Variants in ATRX observed in about 807,000 individuals in gnomAD.
The protein encoded by ATRX is chromatin remodeler ATRX.
Under a neutral mutation model 172.6 loss-of-function variants are expected in ATRX, and 12 were observed. The observed-to-expected ratio is 0.07, with a 90% CI of 0.04 to 0.11. ATRX has a LOEUF of 0.11. Among genes scored for constraint, ATRX ranks in the 10% least tolerant of loss-of-function variants. The pLI is 1.00. For missense variants in ATRX, 1,368 were observed against 1,767.4 expected (o/e 0.77, Z 4.05); for synonymous variants, 674 against 594.7 (o/e 1.13, Z -1.94).
At chrX:77,676,633 A>T (rs944542754) in intron 9 of ATRX, among the ~76,000 whole-genome samples, 1 of 112,171 alleles carries the variant, frequency 8.9e-6, no homozygotes. Context: ...GTACTGGTCC[A>T]TTTTAATTTT....
intron 1 of ATRX, among the ~76,000 whole-genome samples, chrX:77,778,794 T>C (rs1279275687): frequency 9.0e-6 from 1 of 111,582 alleles, no homozygotes; most frequent in African/African-American, 3.2e-5. Flanking sequence ...ATGTTGACCT[T>C]CTTCCAAATA....
intron 1 of ATRX, among the ~76,000 whole-genome samples, chrX:77,736,343 T>C (rs1311726377): frequency 8.9e-6 from 1 of 112,371 alleles, no homozygotes; most frequent in East Asian, 2.8e-4. Flanking sequence ...AACCAGAATA[T>C]GTAAGTAGCT....
intron 15 of ATRX, 97 bp from the exon 16 acceptor site, chrX:77,636,153 T>C (rs2148362742): frequency 2.5e-6 from 2 of 815,971 alleles, no homozygotes. Flanking sequence ...TAGACACATT[T>C]ACTCCCACAC....
At chrX:77,660,886 C>T (rs982271455) in intron 12 of ATRX, among the ~76,000 whole-genome samples, 5 of 111,626 alleles carry the variant, frequency 4.5e-5, no homozygotes, top group African/African-American at 1.6e-4. Context: ...AAAAACCTGA[C>T]ACTCATTGTA....
chrX:77,541,579 G>A (rs190552696), intron 30 of ATRX, among the ~76,000 whole-genome samples: 2 of 111,589 alleles, frequency 1.8e-5, no homozygotes, highest in Non-Finnish European at 3.8e-5. Context: ...TAAAATACTG[G>A]CAAACCGAAT....
intron 1 of ATRX, among the ~76,000 whole-genome samples, chrX:77,739,262 C>T (rs1482530228): frequency 9.0e-6 from 1 of 110,588 alleles, no homozygotes. Context: ...TCCTGAGTTA[C>T]TTCACTTAGA....
intron 30 of ATRX, among the ~76,000 whole-genome samples, chrX:77,551,759 A>G (rs1230639796): frequency 3.6e-5 from 4 of 110,145 alleles, no homozygotes; most frequent in Non-Finnish European, 7.6e-5. Context: ...AATGAACTCA[A>G]ACATATTTAC....
intron 15 of ATRX, among the ~76,000 whole-genome samples, chrX:77,637,939 CAAAAAAAAAA>C (rs373944111): frequency 4.7e-5 from 2 of 42,863 alleles, no homozygotes; most frequent in African/African-American, 2.0e-4. Context: ...AGCTCCATCT[CAAAAAAAAAA>C]AAAAAAAAAA....
chrX:77,512,662 A>G lies in ATRX; in HGVS notation c.7201-4033T>C, dbSNP rs1248235850. 2.7e-5 allele frequency among the ~76,000 whole-genome samples: 3 copies of G among 111,860 alleles called. No individual in the cohort carries two copies. In the Admixed American group the frequency reaches 2.8e-4, roughly 11 times the overall value. On this transcript the variant is annotated intron_variant, in intron 34 of 34. Transcript: ENST00000373344. Reference sequence around the variant, plus strand: ...GGTGGATGGATCACCTGAGGTCAGTAGTTCGAGACCAGCCTGGCCAACATG... The same window carrying G: ...GGTGGATGGATCACCTGAGGTCAGTGGTTCGAGACCAGCCTGGCCAACATG...
intron 27 of ATRX, among the ~76,000 whole-genome samples, chrX:77,582,511 T>A (rs2065863213): frequency 9.3e-6 from 1 of 108,007 alleles, no homozygotes; most frequent in African/African-American, 3.4e-5. Flanking sequence ...CAGAAATAAA[T>A]AAACTTGAAA....
intron 34 of ATRX, among the ~76,000 whole-genome samples, chrX:77,510,520 G>T (rs1312365004): frequency 9.0e-6 from 1 of 110,761 alleles, no homozygotes; most frequent in African/African-American, 3.3e-5. Context: ...TTGGCTTTTG[G>T]ATGGCATTTG....
chrX:77,733,837 T>C (rs1302444089), intron 1 of ATRX, among the ~76,000 whole-genome samples: 1 of 103,986 alleles, frequency 9.6e-6, no homozygotes, highest in African/African-American at 3.6e-5. Context: ...TGAGGGGAGA[T>C]AGCACCACTG....
intron 28 of ATRX, among the ~76,000 whole-genome samples, chrX:77,565,853 CAA>C (rs782097602): frequency 1.2e-5 from 1 of 83,507 alleles, no homozygotes. Flanking sequence ...GACCCTGTCT[CAA>C]AAAAAAAAAA....
chrX:77,654,926 A>C (rs2069461920), intron 13 of ATRX, among the ~76,000 whole-genome samples: 1 of 111,990 alleles, frequency 8.9e-6, no homozygotes. Flanking sequence ...TTGATAAACA[A>C]AACGTGGTAT....
intron 19 of ATRX, among the ~76,000 whole-genome samples, chrX:77,630,740 A>C (rs1478392495): frequency 1.8e-5 from 2 of 112,166 alleles, no homozygotes. Context: ...ATAAACTGAA[A>C]ATAGATCATA....
chrX:77,629,184 C>A (rs1369637799), intron 19 of ATRX, among the ~76,000 whole-genome samples: 3 of 112,343 alleles, frequency 2.7e-5, no homozygotes, highest in African/African-American at 9.7e-5. Flanking sequence ...TTAGACTTTT[C>A]TTTAACATTA....
At chrX:77,519,952 T>A (rs2063173764) in intron 34 of ATRX, among the ~76,000 whole-genome samples, 1 of 112,153 alleles carries the variant, frequency 8.9e-6, no homozygotes, top group Non-Finnish European at 1.9e-5. Context: ...GGTACATATA[T>A]ACAATGGAGT....
intron 1 of ATRX, among the ~76,000 whole-genome samples, chrX:77,726,201 T>C (rs2074027180): frequency 9.1e-6 from 1 of 110,444 alleles, no homozygotes; most frequent in Admixed American, 9.7e-5. Flanking sequence ...CTATTCACAA[T>C]AGCAAAGACC....
chrX:77,757,840 T>C (rs782350477), intron 1 of ATRX, among the ~76,000 whole-genome samples: 2 of 108,521 alleles, frequency 1.8e-5, no homozygotes, highest in Non-Finnish European at 3.8e-5. Flanking sequence ...CTCAGCTAAT[T>C]TTTGTATTTT....
Sources: allele counts gnomAD v4.1 joint callset (sites outside exome capture counted in the v4.1 genomes callset), GRCh38; gene constraint gnomAD v4.1.1; transcripts MANE v1.5; gene names NCBI Gene and HGNC (gene_info 2026-07-23, HGNC 2026-07-21).